The following TXNDC11 variants were observed in gnomAD, a reference collection of about 807,000 sequenced individuals.
The protein encoded by TXNDC11 is thioredoxin domain-containing protein 11.
TXNDC11 carries 68 observed loss-of-function variants against 78.0 expected under a neutral mutation model. The observed-to-expected ratio is 0.87, with a 90% CI of 0.72 to 1.07. TXNDC11 has a LOEUF of 1.07. TXNDC11 is among the 50% of genes least tolerant of loss of function. The pLI is 0.00. For synonymous variants in TXNDC11, 571 were observed against 495.2 expected (o/e 1.15, Z -2.03); for missense variants, 1,389 against 1,221.8 (o/e 1.14, Z -2.04).
At chr16:11,740,919 G>C (rs746630185) in intron 1 of TXNDC11, among the ~76,000 whole-genome samples, 1 of 152,188 alleles carries the variant, frequency 6.6e-6, no homozygotes, top group Admixed American at 6.5e-5. Flanking sequence ...TGGTTCCCAA[G>C]CAGGCAATTT....
At chr16:11,699,977 G>T (rs2050966323) in intron 6 of TXNDC11, among the ~76,000 whole-genome samples, 1 of 152,196 alleles carries the variant, frequency 6.6e-6, no homozygotes, top group African/African-American at 2.4e-5. Context: ...GACGCTCTCT[G>T]GGATGAGAAG....
At chr16:11,683,774 C>T (rs1348180182) in intron 11 of TXNDC11, among the ~76,000 whole-genome samples, 2 of 129,468 alleles carry the variant, frequency 1.5e-5, no homozygotes, top group Non-Finnish European at 3.1e-5. Flanking sequence ...TTTTTTGAGG[C>T]AGAGCCTCGC....
chr16:11,732,517 T>C (rs1457146462), intron 3 of TXNDC11, among the ~76,000 whole-genome samples: 1 of 152,202 alleles, frequency 6.6e-6, no homozygotes, highest in Non-Finnish European at 1.5e-5. Flanking sequence ...CGAAAAAACC[T>C]GTACTTGAAC....
chr16:11,718,579 GAAGA>G (rs1323488339), intron 5 of TXNDC11, among the ~76,000 whole-genome samples: 1 of 152,010 alleles, frequency 6.6e-6, no homozygotes, highest in African/African-American at 2.4e-5. Flanking sequence ...CTTCAGGGTA[GAAGA>G]AAGGGAGAAA....
At chr16:11,734,102 C>A in intron 2 of TXNDC11, 23 bp from the exon 3 acceptor site, 1 of 1,481,078 alleles carries the variant, frequency 6.8e-7, no homozygotes, top group South Asian at 1.2e-5. Flanking sequence ...AAAAGGTTTT[C>A]AAATGACTAT....
chr16:11,742,506 C>T lies in TXNDC11; in HGVS notation c.225G>A (p.Ala75=). ...AGGTGAACTTGAGGGCGAGGAGCAG[C>T]GCGCAGCCGAGCGCCACGGCCCCGC... is the stretch of plus-strand genomic sequence containing the variant. ...LLCGAVALGC[A]LLLALKFTCS... Residue 75 remains alanine (A), a synonymous_variant, in exon 1 of 12, where the codon GCG becomes GCA. Transcript: ENST00000283033. 1.4e-6 allele frequency: 2 copies of T among 1,454,538 alleles called. No homozygotes were observed. The highest frequency in any genetic ancestry group is 3.0e-5 in the East Asian group (1 of 33,420). The allele number at this position is 1,454,538 out of a possible 1,614,324, so 90.1% of individuals were successfully genotyped here. A position where few individuals can be genotyped will look rare whatever the true frequency, so the allele number is the denominator to read the frequency against.
chr16:11,700,418 T>G (rs1567311815), intron 6 of TXNDC11, 34 bp downstream of exon 6: 8 of 1,064,978 alleles, frequency 7.5e-6, no homozygotes, highest in Non-Finnish European at 1.0e-5. Flanking sequence ...TAAGAACCAC[T>G]GCGCTAACAT....
At chr16:11,688,855 G>C (rs2050635925) in intron 8 of TXNDC11, among the ~76,000 whole-genome samples, 1 of 152,160 alleles carries the variant, frequency 6.6e-6, no homozygotes, top group South Asian at 2.1e-4. Flanking sequence ...CAGTAGTGTG[G>C]AATGTGTTTA....
At chr16:11,690,610 G>T (rs57495287) in intron 8 of TXNDC11, 12,835 of 152,214 alleles carry the variant, frequency 0.084, 1,171 homozygotes, top group African/African-American at 0.21. Flanking sequence ...TGGAGTGCAG[G>T]GGCGCGATCT....
chr16:11,718,233 T>C (rs1295900004), intron 5 of TXNDC11, among the ~76,000 whole-genome samples: 1 of 152,004 alleles, frequency 6.6e-6, no homozygotes, highest in Admixed American at 6.6e-5. Flanking sequence ...AAAACAAATG[T>C]AGAACTTTGA....
chr16:11,710,959 T>C (rs1185188138), intron 5 of TXNDC11, among the ~76,000 whole-genome samples: 2 of 151,732 alleles, frequency 1.3e-5, no homozygotes, highest in South Asian at 2.1e-4. Flanking sequence ...ACATGGCCTA[T>C]TGTCTATTAG....
At chr16:11,692,476 A>G (rs775048353) in intron 7 of TXNDC11, among the ~76,000 whole-genome samples, 5 of 152,228 alleles carry the variant, frequency 3.3e-5, no homozygotes, top group Non-Finnish European at 7.3e-5. Flanking sequence ...CAGATATGCC[A>G]AAGAGAAGCC....
chr16:11,730,017 C>A (rs1354253809), intron 4 of TXNDC11, among the ~76,000 whole-genome samples: 2 of 152,094 alleles, frequency 1.3e-5, no homozygotes, highest in Non-Finnish European at 2.9e-5. Context: ...GCACTTGAAC[C>A]CAGGAAGTGG....
Position 11,732,954 on chromosome 16 carries a change from CA to C in TXNDC11, c.569+1027del. 2.0e-5 allele frequency among the ~76,000 whole-genome samples: 3 copies of C among 152,270 alleles called. No homozygotes were observed. The South Asian group carries it at 6.2e-4, about 31-fold the overall frequency. On this transcript the variant is annotated intron_variant, in intron 3 of 11. Coordinates refer to ENST00000283033, the MANE Select transcript of TXNDC11 (RefSeq NM_015914.7). Reference sequence around the variant, plus strand: ...CAAGCCAATCACCCTGAACAAAGTCCAAAGTCCTATCTCCTATCTCCAAAAC... The same window carrying C: ...CAAGCCAATCACCCTGAACAAAGTCCAAGTCCTATCTCCTATCTCCAAAAC...
Position 11,691,932 on chromosome 16 carries a change from C to T in TXNDC11, c.1258G>A (p.Ala420Thr). ...AQLPDPPTIT[A>T]SPCCNTVVLP... ...ACCACAGTGTTGCAGCAGGGGGACG[C>T]TGTGATCGTTGGCGGGTCTGGCAGC... Residue 420 changes from alanine (A) to threonine (T), a missense_variant, in exon 8 of 12, where the codon GCG (alanine) becomes ACG (threonine). Coordinates refer to ENST00000283033, the MANE Select transcript of TXNDC11 (RefSeq NM_015914.7). The T allele has an allele frequency of 6.2e-7, 1 of 1,612,612 alleles. No individual in the cohort carries two copies. Among genetic ancestry groups the T allele is most frequent in the Non-Finnish European group, 8.5e-7 (1 of 1,178,700 alleles).
At chr16:11,732,360 T>G (rs926026604) in intron 3 of TXNDC11, among the ~76,000 whole-genome samples, 8 of 152,140 alleles carry the variant, frequency 5.3e-5, no homozygotes, top group Admixed American at 5.2e-4. Flanking sequence ...CCACTAGGCT[T>G]CCATGCCTTT....
intron 4 of TXNDC11, among the ~76,000 whole-genome samples, chr16:11,722,971 T>C (rs1410541727): frequency 6.6e-6 from 1 of 152,208 alleles, no homozygotes; most frequent in Non-Finnish European, 1.5e-5. Context: ...AAACTTAACA[T>C]CTAGGCTGGG....
rs143491341 is a variant in TXNDC11 at position 11,719,398 on chromosome 16, T to C, written c.793+2179A>G. ...GCTTAGTCACTTGAAACTGTGCAGC[T>C]CAAAGTCTTTCAATTAGACAGACAT... On this transcript the variant is annotated intron_variant, in intron 5 of 11. Coordinates refer to ENST00000283033, the MANE Select transcript of TXNDC11 (RefSeq NM_015914.7). Among the ~76,000 whole-genome samples the C allele has an allele frequency of 2.0e-3, 308 of 152,340 alleles. 2 individuals carry two copies. The highest frequency in any genetic ancestry group is 6.9e-3 in the African/African-American group (288 of 41,572).
At chr16:11,697,980 G>A in intron 7 of TXNDC11, 145 bp downstream of exon 7, 1 of 752,492 alleles carries the variant, frequency 1.3e-6, no homozygotes, top group Admixed American at 2.4e-5. Flanking sequence ...CATATGGAGG[G>A]GCAAAGAGCA....
Sources: gnomAD v4.1 joint callset for allele counts (sites outside exome capture counted in the v4.1 genomes callset) on GRCh38, gnomAD v4.1.1 for gene constraint, MANE v1.5 for transcripts, NCBI Gene and HGNC (gene_info 2026-07-23, HGNC 2026-07-21) for gene names.